ZFHX3: variants seen among roughly 807,000 people sequenced by gnomAD.
ZFHX3 encodes zinc finger homeobox 3, also known as zinc finger homeobox protein 3.
In ZFHX3, 42 loss-of-function variants were observed where a neutral mutation model predicts 279.1. The ratio of observed to expected loss-of-function variants is 0.15; its 90% CI spans 0.12 to 0.19. The LOEUF is 0.19. ZFHX3 is among the 10% of genes least tolerant of loss of function. The pLI, the probability that ZFHX3 is intolerant of heterozygous loss-of-function variation, is 1.00. For synonymous variants in ZFHX3, 2,293 were observed against 1,957.8 expected (o/e 1.17, Z -4.52); for missense variants, 4,981 against 4,754.0 (o/e 1.05, Z -1.40).
At chr16:73,260,255 C>T (rs2013781708) in intron 4 of ZFHX3, among the ~76,000 whole-genome samples, 1 of 151,992 alleles carries the variant, frequency 6.6e-6, no homozygotes, top group Admixed American at 6.6e-5. Flanking sequence ...TCAGTTTGTC[C>T]CAATACTGGT....
In ZFHX3 at chr16:73,483,480, T is replaced by C. The variant is rs1441602982; in HGVS notation, c.-1546-27222A>G. 7 of 430,074 alleles carry C rather than the reference T, an allele frequency of 1.6e-5. No individual in the cohort carries two copies. In the East Asian group the frequency reaches 5.2e-4, roughly 32 times the overall value. 26.6% of individuals were successfully genotyped at this position (430,074 alleles called of 1,614,324 possible). A position where few individuals can be genotyped will look rare whatever the true frequency, so the allele number is the denominator to read the frequency against. On this transcript the variant is annotated intron_variant, in intron 2 of 17. Transcript: ENST00000641206. ...GGGGGCTGTGCTCTGCCAATTCAAA[T>C]GGCAGTTCCGTCAGCCTCGACGCTG...
At chr16:73,274,575 CTATT>C (rs1389641367) in intron 4 of ZFHX3, among the ~76,000 whole-genome samples, 1 of 152,222 alleles carries the variant, frequency 6.6e-6, no homozygotes, top group Non-Finnish European at 1.5e-5. Context: ...GTGTTCCACA[CTATT>C]TATTAAGTAA....
chr16:72,876,489 C>A (rs1014175066), intron 4 of ZFHX3, among the ~76,000 whole-genome samples: 4 of 152,292 alleles, frequency 2.6e-5, no homozygotes, highest in African/African-American at 9.6e-5. Context: ...CACTTCCTCC[C>A]CACGAGGCAT....
intron 2 of ZFHX3, among the ~76,000 whole-genome samples, chr16:73,608,302 A>G (rs1352977572): frequency 6.6e-6 from 1 of 152,308 alleles, no homozygotes; most frequent in Non-Finnish European, 1.5e-5. Flanking sequence ...TCCAAAAGAT[A>G]AGTGCTCAGA....
intron 2 of ZFHX3, among the ~76,000 whole-genome samples, chr16:73,534,836 T>A (rs1410266981): frequency 1.3e-5 from 2 of 152,174 alleles, no homozygotes; most frequent in African/African-American, 2.4e-5. Context: ...GATATTTTCT[T>A]TGTACATAAG....
At chr16:73,114,515 A>C (rs1567392168) in intron 7 of ZFHX3, among the ~76,000 whole-genome samples, 1 of 151,646 alleles carries the variant, frequency 6.6e-6, no homozygotes, top group African/African-American at 2.4e-5. Context: ...CATCTCTATG[A>C]AAAAGATTTA....
chr16:73,491,249 T>A (rs755034736), intron 2 of ZFHX3, among the ~76,000 whole-genome samples: 6 of 152,190 alleles, frequency 3.9e-5, no homozygotes, highest in Non-Finnish European at 7.3e-5. Flanking sequence ...GCTGTTATTG[T>A]GTCGGGGGCA....
At position 73,262,653 on chromosome 16, in the gene ZFHX3, T is replaced by G. The variant is rs556186123; in HGVS notation, c.-1193-5517A>C. On this transcript the variant is annotated intron_variant, in intron 4 of 17. Transcript: ENST00000641206. ...AGATTTGGCCCTAGAACATAGGAGG[T>G]AGATTGCAGACAGGCACAAATTCCT... is the stretch of plus-strand genomic sequence containing the variant. Among the ~76,000 whole-genome samples, 11 of 152,020 alleles carry G rather than the reference T, an allele frequency of 7.2e-5. No individual in the cohort carries two copies. The South Asian group carries it at 2.3e-3, about 32-fold the overall frequency.
At chr16:73,474,023 G>A (rs2143609964) in intron 2 of ZFHX3, among the ~76,000 whole-genome samples, 1 of 152,196 alleles carries the variant, frequency 6.6e-6, no homozygotes, top group African/African-American at 2.4e-5. Context: ...AATGGCTACT[G>A]GGTCCTAAAA....
chr16:73,205,980 G>A (rs1306038023), intron 5 of ZFHX3, among the ~76,000 whole-genome samples: 2 of 152,132 alleles, frequency 1.3e-5, no homozygotes, highest in African/African-American at 4.8e-5. Flanking sequence ...ACTGGCAAAT[G>A]GACTTTGACA....
intron 1 of ZFHX3, among the ~76,000 whole-genome samples, chr16:73,890,228 TAAAAAAAAAACCAAA>T (rs1462024730): frequency 1.2e-4 from 10 of 84,238 alleles, no homozygotes; most frequent in African/African-American, 3.2e-4. Flanking sequence ...TGTAAGAGTG[TAAAAAAAAAACCAAA>T]AAAAAAAAAA....
intron 1 of ZFHX3, among the ~76,000 whole-genome samples, chr16:72,991,564 G>A (rs1158590079): frequency 1.3e-5 from 2 of 152,192 alleles, no homozygotes; most frequent in African/African-American, 2.4e-5. Context: ...GAAGTATTTA[G>A]CACAGTAGAT....
chr16:73,876,235 T>C (rs2029942380), intron 1 of ZFHX3, among the ~76,000 whole-genome samples: 1 of 152,224 alleles, frequency 6.6e-6, no homozygotes, highest in Non-Finnish European at 1.5e-5. Context: ...TTCCTGCTGC[T>C]GAGTCTGAAT....
chr16:73,585,089 G>C (rs1031177916), intron 2 of ZFHX3, among the ~76,000 whole-genome samples: 10 of 152,214 alleles, frequency 6.6e-5, no homozygotes, highest in African/African-American at 2.4e-4. Context: ...CTGCTGGTGA[G>C]ATTGTGGAGA....
chr16:72,814,589 C>A (rs767707043), intron 5 of ZFHX3, among the ~76,000 whole-genome samples: 1 of 148,856 alleles, frequency 6.7e-6, no homozygotes, highest in African/African-American at 2.5e-5. Flanking sequence ...TTCTTTCCCC[C>A]TGCATGGAGA....
chr16:73,619,500 T>TATATATA (rs34326004), intron 2 of ZFHX3, among the ~76,000 whole-genome samples: 46 of 131,746 alleles, frequency 3.5e-4, no homozygotes, highest in African/African-American at 1.2e-3. Context: ...AAAAAAAAAA[T>TATATATA]TATATATATA....
intron 4 of ZFHX3, among the ~76,000 whole-genome samples, chr16:72,885,202 T>A (rs2038593953): frequency 1.3e-5 from 2 of 152,202 alleles, no homozygotes; most frequent in African/African-American, 4.8e-5. Context: ...GCCTGCCCAC[T>A]GACATAAGGG....
intron 1 of ZFHX3, among the ~76,000 whole-genome samples, chr16:72,998,507 T>C (rs1462358916): frequency 2.6e-5 from 4 of 152,238 alleles, no homozygotes; most frequent in Non-Finnish European, 5.9e-5. Context: ...GTAATCGATC[T>C]AGGTTTTATT....
At position 72,818,097 on chromosome 16, in the gene ZFHX3, T is replaced by G. The variant is rs78253560; in HGVS notation, c.3530-6059A>C. Reference sequence around the variant, plus strand: ...TGACTAGCGAAAAAAGAAATTCACATAGCTCCATACTTAATGTCTGAGTTG... The same window carrying G: ...TGACTAGCGAAAAAAGAAATTCACAGAGCTCCATACTTAATGTCTGAGTTG... On this transcript the variant is annotated intron_variant, in intron 5 of 9. Coordinates refer to ENST00000268489, the MANE Select transcript of ZFHX3 (RefSeq NM_006885.4). Among the ~76,000 whole-genome samples, 952 of 152,290 alleles carry G rather than the reference T, an allele frequency of 6.3e-3. 6 individuals are homozygous for G. Among genetic ancestry groups the G allele is most frequent in the African/African-American group, 0.022 (899 of 41,566 alleles).
Sources: gnomAD v4.1 joint callset for allele counts (sites outside exome capture counted in the v4.1 genomes callset) on GRCh38, gnomAD v4.1.1 for gene constraint, MANE v1.5 for transcripts, NCBI Gene and HGNC (gene_info 2026-07-23, HGNC 2026-07-21) for gene names.